Variants in CNOT7 observed in about 807,000 individuals in gnomAD.
CNOT7 encodes BTG1-binding factor 1.
In CNOT7, 4 loss-of-function variants were observed where a neutral mutation model predicts 37.1. The ratio of observed to expected loss-of-function variants is 0.11; its 90% CI spans 0.05 to 0.25. CNOT7 has a LOEUF of 0.25. Among genes scored for constraint, CNOT7 ranks in the 10% least tolerant of loss-of-function variants. The pLI, the probability that CNOT7 is intolerant of heterozygous loss-of-function variation, is 1.00. For missense variants in CNOT7, 170 were observed against 336.2 expected (o/e 0.51, Z 3.87); for synonymous variants, 128 against 115.6 (o/e 1.11, Z -0.69).
chr8:17,230,622 G>A lies in CNOT7; in HGVS notation c.*98C>T, dbSNP rs1203261807. 1.2e-5 allele frequency: 12 copies of A among 1,008,650 alleles called. No homozygotes were observed. The highest frequency in any genetic ancestry group is 8.2e-5 in the East Asian group (3 of 36,422). 62.5% of individuals were successfully genotyped at this position (1,008,650 alleles called of 1,614,324 possible). Reference sequence around the variant, plus strand: ...ATAAAATGGGCCATGAAAGGGGGGGGAAAGGTACTGTCTATTGTTCGAGGG... The same window carrying A: ...ATAAAATGGGCCATGAAAGGGGGGGAAAAGGTACTGTCTATTGTTCGAGGG... On this transcript the variant is annotated 3_prime_UTR_variant, in exon 7 of 7. Coordinates refer to ENST00000361272, the MANE Select transcript of CNOT7 (RefSeq NM_013354.7).
rs1808276975 is a variant in CNOT7 at position 17,228,131 on chromosome 8, T to G, written c.*2589A>C. On this transcript the variant is annotated 3_prime_UTR_variant, in exon 7 of 7. Coordinates refer to ENST00000361272, the MANE Select transcript of CNOT7 (RefSeq NM_013354.7). ...CAGATGTCAGGAAATAATCTTTTGA[T>G]TATTTTTCCCAACCATTTAAAAGCC... is the stretch of plus-strand genomic sequence containing the variant. 6.6e-6 allele frequency: 1 copy of G among 151,924 alleles called. No individual in the cohort carries two copies. The highest frequency in any genetic ancestry group is 2.1e-4 in the South Asian group (1 of 4,830). 9.4% of individuals were successfully genotyped at this position (151,924 alleles called of 1,614,324 possible).
In CNOT7 at chr8:17,229,702, G is replaced by T. The variant is rs1421218071; in HGVS notation, c.*1018C>A. On this transcript the variant is annotated 3_prime_UTR_variant, in exon 7 of 7. Coordinates refer to ENST00000361272, the MANE Select transcript of CNOT7 (RefSeq NM_013354.7). ...AATCTCTCCATTATTTACCTTTGTAGCAACTATGAAAGCACAATTTTTGTC... is the reference window on the plus strand; with the variant it reads ...AATCTCTCCATTATTTACCTTTGTATCAACTATGAAAGCACAATTTTTGTC... 6.6e-6 allele frequency: 1 copy of T among 151,214 alleles called. No individual in the cohort carries two copies. The highest frequency in any genetic ancestry group is 1.5e-5 in the Non-Finnish European group (1 of 67,646). The allele number at this position is 151,214 out of a possible 1,614,324, so 9.4% of individuals were successfully genotyped here. A position where few individuals can be genotyped will look rare whatever the true frequency, so the allele number is the denominator to read the frequency against.
Position 17,229,543 on chromosome 8 carries a change from AG to A in CNOT7, c.*1176del, listed in dbSNP as rs2150964519. On this transcript the variant is annotated 3_prime_UTR_variant, in exon 7 of 7. Coordinates refer to ENST00000361272, the MANE Select transcript of CNOT7 (RefSeq NM_013354.7). The stretch of plus-strand genomic sequence containing the variant: ...TATTCTGCATGGCTAAGTATTTCAC[AG>A]TCTCTTTTGTCAATATATATAAAAT... 1 of 152,340 alleles carries A rather than the reference AG, an allele frequency of 6.6e-6. No homozygotes were observed. The highest frequency in any genetic ancestry group is 2.1e-4 in the South Asian group (1 of 4,826). The allele number at this position is 152,340 out of a possible 1,614,324, so 9.4% of individuals were successfully genotyped here.
In CNOT7 at chr8:17,239,357, C is replaced by T. The variant is rs528843541; in HGVS notation, c.312-1984G>A. 1.7e-3 allele frequency among the ~76,000 whole-genome samples: 256 copies of T among 152,192 alleles called. 3 individuals are homozygous for T. Among genetic ancestry groups the T allele is most frequent in the Non-Finnish European group, 2.7e-3 (185 of 67,998 alleles). ...ACAGGAATGGGCTACTGCATCCAGCCTTCCTTCTTATGGCACTCTCTATCT... is the reference window on the plus strand; with the variant it reads ...ACAGGAATGGGCTACTGCATCCAGCTTTCCTTCTTATGGCACTCTCTATCT... On this transcript the variant is annotated intron_variant, in intron 3 of 6. Coordinates refer to ENST00000361272, the MANE Select transcript of CNOT7 (RefSeq NM_013354.7).
Position 17,237,097 on chromosome 8 carries a change from T to C in CNOT7, c.473+115A>G, listed in dbSNP as rs550929858. 6.5e-4 allele frequency: 629 copies of C among 969,916 alleles called. 5 individuals are homozygous for C. The highest frequency in any genetic ancestry group is 4.0e-3 in the Middle Eastern group (12 of 2,988). 60.1% of individuals were successfully genotyped at this position (969,916 alleles called of 1,614,324 possible). A position where few individuals can be genotyped will look rare whatever the true frequency, so the allele number is the denominator to read the frequency against. ...CTAAGAGTTAGGAGACAACTCTATA[T>C]GGCAGTCAACTCTTTCCAGAATTAA... is the stretch of plus-strand genomic sequence containing the variant. On this transcript the variant is annotated intron_variant, in intron 4 of 6. Coordinates refer to ENST00000361272, the MANE Select transcript of CNOT7 (RefSeq NM_013354.7).
In CNOT7 at chr8:17,226,167, ACT is replaced by A. The variant is rs1808144277; in HGVS notation, c.*4551_*4552del. 6.7e-6 allele frequency: 1 copy of A among 149,672 alleles called. No individual in the cohort carries two copies. The highest frequency in any genetic ancestry group is 2.4e-5 in the African/African-American group (1 of 40,996). The allele number at this position is 149,672 out of a possible 1,614,324, so 9.3% of individuals were successfully genotyped here. ...CAAATTTTTATTCTAAAAATTGAAA[ACT>A]CAAAATATTGAGTACAATTTTTTTT... is the stretch of plus-strand genomic sequence containing the variant. On this transcript the variant is annotated 3_prime_UTR_variant, in exon 7 of 7. Coordinates refer to ENST00000361272, the MANE Select transcript of CNOT7 (RefSeq NM_013354.7).
chr8:17,232,403 A>G (rs1405836734), intron 6 of CNOT7, 24 bp downstream of exon 6: 1 of 1,613,384 alleles, frequency 6.2e-7, no homozygotes, highest in South Asian at 1.1e-5. Flanking sequence ...ACCAACTGAG[A>G]AAAAGGCAGT....
intron 1 of CNOT7, chr8:17,245,942 C>T (rs1810947963): frequency 6.7e-6 from 1 of 149,024 alleles, no homozygotes; most frequent in South Asian, 2.1e-4. Flanking sequence ...CTGCATTTTT[C>T]ATACAAATTG....
At position 17,225,502 on chromosome 8, in the gene CNOT7, A is replaced by G. The variant is rs980759097; in HGVS notation, c.*5218T>C. On this transcript the variant is annotated 3_prime_UTR_variant, in exon 7 of 7. Transcript: ENST00000361272. ...CAATGAAATGGACTTCTAAAGAGAAATTGCTCAATTGCTTTTATACTAAAC... is the reference window on the plus strand; with the variant it reads ...CAATGAAATGGACTTCTAAAGAGAAGTTGCTCAATTGCTTTTATACTAAAC... The G allele has an allele frequency of 2.6e-5, 4 of 151,784 alleles. No homozygotes were observed. The highest frequency in any genetic ancestry group is 7.2e-5 in the African/African-American group (3 of 41,430). 9.4% of individuals were successfully genotyped at this position (151,784 alleles called of 1,614,324 possible). A position where few individuals can be genotyped will look rare whatever the true frequency, so the allele number is the denominator to read the frequency against.
chr8:17,234,589 A>G (rs1809087297), intron 5 of CNOT7, 127 bp downstream of exon 5: 2 of 973,724 alleles, frequency 2.1e-6, no homozygotes, highest in African/African-American at 1.6e-5. Context: ...ACATGACCAG[A>G]TAATATAATT....
At position 17,229,592 on chromosome 8, in the gene CNOT7, AAAAT is replaced by A. The variant is rs1168108500; in HGVS notation, c.*1124_*1127del. The stretch of plus-strand genomic sequence containing the variant: ...AATAGATTGCAAAGATATACACAAA[AAAAT>A]AAGCATTACACTCCTCAGGTAATTT... On this transcript the variant is annotated 3_prime_UTR_variant, in exon 7 of 7. Coordinates refer to ENST00000361272, the MANE Select transcript of CNOT7 (RefSeq NM_013354.7). 6.6e-6 allele frequency: 1 copy of A among 152,054 alleles called. No individual in the cohort carries two copies. The highest frequency in any genetic ancestry group is 2.4e-5 in the African/African-American group (1 of 41,352). The allele number at this position is 152,054 out of a possible 1,614,324, so 9.4% of individuals were successfully genotyped here.
At chr8:17,243,303 C>G in intron 2 of CNOT7, 118 bp from the exon 3 acceptor site, 1 of 756,576 alleles carries the variant, frequency 1.3e-6, no homozygotes, top group South Asian at 1.9e-5. Flanking sequence ...CATTTATATT[C>G]AATTACAAAG....
At chr8:17,231,737 T>C in intron 6 of CNOT7, 1 of 985,420 alleles carries the variant, frequency 1.0e-6, no homozygotes, top group Non-Finnish European at 1.2e-6. Context: ...CTTAATTACT[T>C]AGGAGTAGAT....
intron 2 of CNOT7, among the ~76,000 whole-genome samples, chr8:17,243,876 AAC>A (rs1237432060): frequency 1.3e-5 from 2 of 152,222 alleles, no homozygotes; most frequent in African/African-American, 2.4e-5. Context: ...TCTACAAAGA[AAC>A]AGTCATATTT....
rs1477771443 is a variant in CNOT7 at position 17,225,064 on chromosome 8, T to C, written c.*5656A>G. On this transcript the variant is annotated 3_prime_UTR_variant, in exon 7 of 7. Transcript: ENST00000361272. ...TAATTTTTTAGAAAAACAAAACAGG[T>C]ATATGGCATGAGTGAAACAGTTCCC... 1.3e-5 allele frequency: 2 copies of C among 151,688 alleles called. No individual in the cohort carries two copies. 9.4% of individuals were successfully genotyped at this position (151,688 alleles called of 1,614,324 possible).
Position 17,228,865 on chromosome 8 carries a change from C to CACTT in CNOT7, c.*1851_*1854dup, listed in dbSNP as rs1005555826. On this transcript the variant is annotated 3_prime_UTR_variant, in exon 7 of 7. Transcript: ENST00000361272. ...ACAAATCACAAGCGAAAAGAAGCTTCACTTCCTTTTTAACGAAGACAAAAG... is the reference window on the plus strand; with the variant it reads ...ACAAATCACAAGCGAAAAGAAGCTTCACTTACTTCCTTTTTAACGAAGACAAAAG... 6.6e-6 allele frequency: 1 copy of CACTT among 151,972 alleles called. No homozygotes were observed. Among genetic ancestry groups the CACTT allele is most frequent in the African/African-American group, 2.4e-5 (1 of 41,424 alleles). The allele number at this position is 151,972 out of a possible 1,614,324, so 9.4% of individuals were successfully genotyped here.
Position 17,226,122 on chromosome 8 carries a change from T to G in CNOT7, c.*4598A>C, listed in dbSNP as rs1366553026. ...GACAAAATGAAGGACATTATTTAGG[T>G]ACTCAAGGAAACTTTTCACCAAATT... On this transcript the variant is annotated 3_prime_UTR_variant, in exon 7 of 7. Coordinates refer to ENST00000361272, the MANE Select transcript of CNOT7 (RefSeq NM_013354.7). 3 of 147,152 alleles carry G rather than the reference T, an allele frequency of 2.0e-5. No homozygotes were observed. The highest frequency in any genetic ancestry group is 3.0e-5 in the Non-Finnish European group (2 of 66,952). 9.1% of individuals were successfully genotyped at this position (147,152 alleles called of 1,614,324 possible). A position where few individuals can be genotyped will look rare whatever the true frequency, so the allele number is the denominator to read the frequency against.
chr8:17,238,224 TTTTA>T (rs1809645637), intron 3 of CNOT7, among the ~76,000 whole-genome samples: 1 of 152,098 alleles, frequency 6.6e-6, no homozygotes, highest in Non-Finnish European at 1.5e-5. Context: ...AAAAGTGTTT[TTTTA>T]TTTACTTTTT....
rs768374960 is a variant in CNOT7 at position 17,228,462 on chromosome 8, T to TAA, written c.*2256_*2257dup. 2.0e-5 allele frequency: 3 copies of TAA among 151,950 alleles called. No homozygotes were observed. The highest frequency in any genetic ancestry group is 4.4e-5 in the Non-Finnish European group (3 of 67,876). The allele number at this position is 151,950 out of a possible 1,614,324, so 9.4% of individuals were successfully genotyped here. On this transcript the variant is annotated 3_prime_UTR_variant, in exon 7 of 7. Transcript: ENST00000361272. ...AATGAGGTTACATCTGAAAAAATAC[T>TAA]AAGATGCATTTAATGCAGGCAACAG...
Sources: allele counts gnomAD v4.1 joint callset (sites outside exome capture counted in the v4.1 genomes callset), GRCh38; gene constraint gnomAD v4.1.1; transcripts MANE v1.5; gene names NCBI Gene and HGNC (gene_info 2026-07-23, HGNC 2026-07-21).